Variants in APELA observed in about 807,000 individuals in gnomAD.
APELA encodes the protein protein Elabela.
intron 1 of APELA, among the ~76,000 whole-genome samples, chr4:164,878,196 A>AGAAAGAAAGAAAG (rs1553970694): frequency 2.1e-4 from 30 of 143,472 alleles, no homozygotes; most frequent in African/African-American, 6.0e-4. Flanking sequence ...AGAAACAGAA[A>AGAAAGAAAGAAAG]AAAGAAAGAA....
At chr4:164,891,393 A>G (rs1385843298) in intron 2 of APELA, among the ~76,000 whole-genome samples, 1 of 152,182 alleles carries the variant, frequency 6.6e-6, no homozygotes, top group Non-Finnish European at 1.5e-5. Context: ...AGATCAATGT[A>G]ACAAGTATTG....
chr4:164,887,161 A>C (rs1243023977), intron 2 of APELA, among the ~76,000 whole-genome samples: 1 of 152,114 alleles, frequency 6.6e-6, no homozygotes, highest in Non-Finnish European at 1.5e-5. Context: ...ATTTCTCCTT[A>C]CAAAATGTGT....
chr4:164,891,508 C>T (rs543587115), intron 2 of APELA, among the ~76,000 whole-genome samples: 2 of 152,240 alleles, frequency 1.3e-5, no homozygotes, highest in Non-Finnish European at 2.9e-5. Context: ...CAAGTTTGTA[C>T]TTCCTTTGTT....
chr4:164,893,770 G>A (rs558745189), intron 2 of APELA, among the ~76,000 whole-genome samples: 15 of 151,804 alleles, frequency 9.9e-5, no homozygotes, highest in South Asian at 6.2e-4. Flanking sequence ...TTTTTACCCC[G>A]TCTGACACAA....
intron 2 of APELA, among the ~76,000 whole-genome samples, chr4:164,885,220 T>C (rs1295380304): frequency 6.6e-6 from 1 of 152,100 alleles, no homozygotes; most frequent in African/African-American, 2.4e-5. Context: ...AGCCTCCGCC[T>C]TTTGGGCTCA....
chr4:164,884,113 GAA>G (rs1730717074), intron 2 of APELA, among the ~76,000 whole-genome samples: 1 of 24,602 alleles, frequency 4.1e-5, no homozygotes, highest in Non-Finnish European at 7.6e-5. Context: ...ATGAAAGAAA[GAA>G]AGAAAGAGAA....
chr4:164,886,816 T>C (rs945152815), intron 2 of APELA, among the ~76,000 whole-genome samples: 3 of 150,058 alleles, frequency 2.0e-5, no homozygotes, highest in Non-Finnish European at 4.5e-5. Flanking sequence ...AGTTTTCTTT[T>C]CTTTTCTTTT....
intron 2 of APELA, among the ~76,000 whole-genome samples, chr4:164,895,109 G>A (rs982283273): frequency 1.3e-5 from 2 of 152,148 alleles, no homozygotes; most frequent in Non-Finnish European, 2.9e-5. Context: ...TGGGGCATGA[G>A]AATCACTTGA....
chr4:164,898,144 G>T (rs1731012832), downstream of APELA, among the ~76,000 whole-genome samples: 1 of 151,880 alleles, frequency 6.6e-6, no homozygotes, highest in Non-Finnish European at 1.5e-5. Flanking sequence ...GCCAGCCTCG[G>T]CCTCCCAAAA....
intron 2 of APELA, among the ~76,000 whole-genome samples, chr4:164,882,810 T>C (rs1579107652): frequency 6.6e-6 from 1 of 151,952 alleles, no homozygotes; most frequent in African/African-American, 2.4e-5. Context: ...TGGGTTCTCA[T>C]TGTTCAATTC....
rs1193798554 is a variant in APELA, at chr4:164,897,152, C to T, written c.*1738C>T. The T allele has an allele frequency of 6.6e-6, 1 of 152,132 alleles. No homozygotes were observed. The highest frequency in any genetic ancestry group is 1.5e-5 in the Non-Finnish European group (1 of 68,030). 9.4% of individuals were successfully genotyped at this position (152,132 alleles called of 1,614,324 possible). A position where few individuals can be genotyped will look rare whatever the true frequency, so the allele number is the denominator to read the frequency against. ...GTAGAAGAAACCATAAACCATTTTG[C>T]TAAAATGAAAGGTTGGGGTTAATAT... On this transcript the variant is annotated 3_prime_UTR_variant, in exon 3 of 3. Transcript: ENST00000507152.
At chr4:164,879,967 C>T (rs1042741112) in intron 2 of APELA, among the ~76,000 whole-genome samples, 3 of 152,182 alleles carry the variant, frequency 2.0e-5, no homozygotes, top group African/African-American at 7.2e-5. Context: ...ACCACAATTA[C>T]TGGTAATACT....
chr4:164,878,105 CA>C (rs1730587967), intron 1 of APELA, among the ~76,000 whole-genome samples: 1 of 128,112 alleles, frequency 7.8e-6, no homozygotes, highest in South Asian at 2.5e-4. Context: ...CAAAACCAAA[CA>C]GCTAAGATTT....
Position 164,877,319 on chromosome 4 carries a change from G to C in APELA, c.-13G>C, listed in dbSNP as rs1486065073. ...CATTGAGAGTCATTGCTCTACTTTT[G>C]TGCGGTAGGAAAATGAGATTTCAGC... is the stretch of plus-strand genomic sequence containing the variant. On this transcript the variant is annotated 5_prime_UTR_variant, in exon 1 of 3. Transcript: ENST00000507152. The C allele has an allele frequency of 2.5e-6, 1 of 398,870 alleles. No individual in the cohort carries two copies. The highest frequency in any genetic ancestry group is 1.3e-4 in the South Asian group (1 of 7,866). 24.7% of individuals were successfully genotyped at this position (398,870 alleles called of 1,614,324 possible).
At chr4:164,894,375 A>C (rs1238296168) in intron 2 of APELA, among the ~76,000 whole-genome samples, 3 of 151,978 alleles carry the variant, frequency 2.0e-5, no homozygotes, top group Admixed American at 1.3e-4. Flanking sequence ...TTTTTACAAA[A>C]CACACACATA....
At chr4:164,886,980 C>A (rs1419314135) in intron 2 of APELA, among the ~76,000 whole-genome samples, 1 of 151,862 alleles carries the variant, frequency 6.6e-6, no homozygotes, top group Non-Finnish European at 1.5e-5. Flanking sequence ...CACCTGCCAC[C>A]AGGCCTGGCT....
chr4:164,887,914 A>G (rs933339260), intron 2 of APELA, among the ~76,000 whole-genome samples: 6 of 152,096 alleles, frequency 3.9e-5, no homozygotes, highest in African/African-American at 1.4e-4. Flanking sequence ...GCCCAGTCTG[A>G]TCTTTCTAAA....
At chr4:164,883,630 G>A (rs767718078) in intron 2 of APELA, among the ~76,000 whole-genome samples, 4 of 151,836 alleles carry the variant, frequency 2.6e-5, no homozygotes, top group Non-Finnish European at 5.9e-5. Context: ...GACAGTACCG[G>A]TGTGTGCCAA....
intron 2 of APELA, among the ~76,000 whole-genome samples, chr4:164,887,895 A>C (rs1280905632): frequency 6.6e-6 from 1 of 152,180 alleles, no homozygotes; most frequent in Non-Finnish European, 1.5e-5. Flanking sequence ...TACAGGCTTG[A>C]GCCACCGTGC....
Sources: allele counts gnomAD v4.1 joint callset (sites outside exome capture counted in the v4.1 genomes callset), GRCh38; gene constraint gnomAD v4.1.1; transcripts MANE v1.5; gene names NCBI Gene and HGNC (gene_info 2026-07-23, HGNC 2026-07-21).